The following PPARGC1A variants were observed in gnomAD, a reference collection of about 807,000 sequenced individuals.
The protein encoded by PPARGC1A is peroxisome proliferator-activated receptor gamma coactivator 1-alpha.
A neutral mutation model predicts 88.7 loss-of-function variants in PPARGC1A; 25 were observed. That is an observed-to-expected ratio of 0.28 (90% confidence interval 0.21 to 0.39). The LOEUF (loss-of-function observed/expected upper bound fraction) is 0.39. Ranked by LOEUF, PPARGC1A falls within the 10% of genes least tolerant of loss-of-function variation. The pLI is 1.00. For missense variants in PPARGC1A, 880 were observed against 968.7 expected (o/e 0.91, Z 1.22); for synonymous variants, 363 against 355.6 (o/e 1.02, Z -0.24).
At chr4:24,337,924 G>A in the PPARGC1A span, among the ~76,000 whole-genome samples, 1 of 152,050 alleles carries the variant, frequency 6.6e-6, no homozygotes, top group Admixed American at 6.6e-5. Flanking sequence ...TCTCAAGCCC[G>A]CATCTTCCCA....
the PPARGC1A span, among the ~76,000 whole-genome samples, chr4:24,126,716 C>A: frequency 6.6e-6 from 1 of 152,094 alleles, no homozygotes; most frequent in African/African-American, 2.4e-5. Context: ...GGTCTGACAC[C>A]ATCACTGATG....
the PPARGC1A span, among the ~76,000 whole-genome samples, chr4:24,277,942 A>G: frequency 6.6e-6 from 1 of 152,118 alleles, no homozygotes; most frequent in Non-Finnish European, 1.5e-5. Context: ...TGGGAGGCTG[A>G]GGCTGGAGGA....
chr4:24,448,301 C>G, the PPARGC1A span, among the ~76,000 whole-genome samples: 11 of 152,146 alleles, frequency 7.2e-5, no homozygotes, highest in Non-Finnish European at 1.3e-4. Flanking sequence ...TGCTGGTAAG[C>G]AGAGGCAGCG....
At chr4:24,075,541 C>T in the PPARGC1A span, among the ~76,000 whole-genome samples, 1 of 152,154 alleles carries the variant, frequency 6.6e-6, no homozygotes, top group Non-Finnish European at 1.5e-5. Context: ...GCTGTGTCCC[C>T]ACCCAAATAT....
At chr4:23,998,929 T>C in the PPARGC1A span, among the ~76,000 whole-genome samples, 1 of 152,250 alleles carries the variant, frequency 6.6e-6, no homozygotes, top group Non-Finnish European at 1.5e-5. Context: ...TGGGATACTG[T>C]GACTAAAATC....
At chr4:24,309,291 AAGG>A in the PPARGC1A span, among the ~76,000 whole-genome samples, 4 of 152,190 alleles carry the variant, frequency 2.6e-5, no homozygotes, top group Admixed American at 6.5e-5. Flanking sequence ...TAATTTTAAA[AAGG>A]AGGAGGAGAA....
the PPARGC1A span, among the ~76,000 whole-genome samples, chr4:24,065,381 G>A: frequency 3.9e-5 from 6 of 152,224 alleles, no homozygotes; most frequent in South Asian, 2.1e-4. Flanking sequence ...CATAATGATC[G>A]TTAGGGGATT....
the PPARGC1A span, among the ~76,000 whole-genome samples, chr4:24,128,334 A>C: frequency 1.3e-5 from 2 of 152,178 alleles, no homozygotes; most frequent in Non-Finnish European, 2.9e-5. Flanking sequence ...AAATCAAATG[A>C]ATTGATGTAT....
chr4:23,841,213 A>G (rs142096903), intron 2 of PPARGC1A, among the ~76,000 whole-genome samples: 1 of 152,032 alleles, frequency 6.6e-6, no homozygotes, highest in East Asian at 1.9e-4. Flanking sequence ...AGACAAACCT[A>G]CTCTCTGACC....
the PPARGC1A span, among the ~76,000 whole-genome samples, chr4:24,345,787 G>A: frequency 3.1e-3 from 473 of 152,240 alleles, 3 homozygotes; most frequent in Middle Eastern, 0.02. Context: ...TCTCTTGCCT[G>A]ATTGCTCTGG....
At chr4:24,445,696 T>G in the PPARGC1A span, among the ~76,000 whole-genome samples, 1 of 152,202 alleles carries the variant, frequency 6.6e-6, no homozygotes, top group Non-Finnish European at 1.5e-5. Flanking sequence ...TATACATTTC[T>G]GGGTCTAGTG....
chr4:24,418,215 C>T, the PPARGC1A span, among the ~76,000 whole-genome samples: 2 of 152,116 alleles, frequency 1.3e-5, no homozygotes, highest in African/African-American at 2.4e-5. Flanking sequence ...CAATGATATT[C>T]CCCACCCCAT....
At chr4:24,136,037 A>G in the PPARGC1A span, among the ~76,000 whole-genome samples, 1 of 152,194 alleles carries the variant, frequency 6.6e-6, no homozygotes, top group Non-Finnish European at 1.5e-5. Context: ...TTTGCTTGGC[A>G]GGCACGGTTC....
chr4:24,078,475 G>T, the PPARGC1A span, among the ~76,000 whole-genome samples: 1 of 152,038 alleles, frequency 6.6e-6, no homozygotes, highest in Non-Finnish European at 1.5e-5. Context: ...CTTCTACTGT[G>T]CCTAACTGTC....
chr4:24,116,554 A>G, the PPARGC1A span, among the ~76,000 whole-genome samples: 2 of 152,210 alleles, frequency 1.3e-5, no homozygotes, highest in Non-Finnish European at 2.9e-5. Context: ...AGTTCCTTTA[A>G]TAAACCGGTT....
At chr4:24,137,764 A>C in the PPARGC1A span, among the ~76,000 whole-genome samples, 1 of 152,286 alleles carries the variant, frequency 6.6e-6, no homozygotes, top group African/African-American at 2.4e-5. Context: ...CAATGTTCCT[A>C]AGCCACCGAC....
chr4:24,204,459 G>T, the PPARGC1A span, among the ~76,000 whole-genome samples: 1 of 151,882 alleles, frequency 6.6e-6, no homozygotes, highest in Admixed American at 6.6e-5. Context: ...CTGAAAGGGA[G>T]GGACAGGGAA....
intron 2 of PPARGC1A, among the ~76,000 whole-genome samples, chr4:23,842,587 T>C (rs1032976510): frequency 1.3e-5 from 2 of 152,078 alleles, no homozygotes; most frequent in Non-Finnish European, 2.9e-5. Context: ...TCCTTTGTTT[T>C]GGGGGCTGTC....
At chr4:24,297,174 A>C in the PPARGC1A span, among the ~76,000 whole-genome samples, 2 of 152,198 alleles carry the variant, frequency 1.3e-5, no homozygotes, top group Non-Finnish European at 2.9e-5. Context: ...AATAATGAAT[A>C]TCATTTAATA....
Sources: allele counts gnomAD v4.1 joint callset (sites outside exome capture counted in the v4.1 genomes callset), GRCh38; gene constraint gnomAD v4.1.1; transcripts MANE v1.5; gene names NCBI Gene and HGNC (gene_info 2026-07-23, HGNC 2026-07-21).